TBC1D8: variants seen among roughly 807,000 people sequenced by gnomAD.
TBC1D8 encodes BUB2-like protein 1.
A neutral mutation model predicts 118.8 loss-of-function variants in TBC1D8; 65 were observed. The ratio of observed to expected loss-of-function variants is 0.55; its 90% CI spans 0.45 to 0.67. The LOEUF (loss-of-function observed/expected upper bound fraction) is 0.67. Among genes scored for constraint, TBC1D8 ranks in the 30% least tolerant of loss-of-function variants. The probability of loss-of-function intolerance (pLI) is 0.00; values close to 1 mark genes in which losing one functional copy is unlikely to be tolerated. For missense variants in TBC1D8, 1,376 were observed against 1,471.2 expected (o/e 0.94, Z 1.06); for synonymous variants, 566 against 595.8 (o/e 0.95, Z 0.73).
At position 101,022,312 on chromosome 2, in the gene TBC1D8, G is replaced by A; in HGVS notation, c.2730C>T (p.Leu910=). Reference sequence around the variant, plus strand: ...AGCTCACAAACGCTTTGAACTCGATGAGCTGGTCCATGTTGTCATCCAAGA... The same window carrying A: ...AGCTCACAAACGCTTTGAACTCGATAAGCTGGTCCATGTTGTCATCCAAGA... The part of the protein sequence containing the change: ...FRLLDDNMDQ[L]IEFKAFVSCL... The change falls in exon 16 of 20, where the codon CTC becomes CTT. Residue 910 remains leucine, a synonymous_variant. Transcript: ENST00000409318. 6.2e-7 allele frequency: 1 copy of A among 1,613,004 alleles called. No homozygotes were observed. Among genetic ancestry groups the A allele is most frequent in the Non-Finnish European group, 8.5e-7 (1 of 1,179,628 alleles).
At chr2:101,071,304 C>A (rs1674411470) in intron 2 of TBC1D8, among the ~76,000 whole-genome samples, 1 of 152,088 alleles carries the variant, frequency 6.6e-6, no homozygotes, top group Admixed American at 6.6e-5. Context: ...GAGATCGCAC[C>A]ACTGCACTCC....
At chr2:101,074,815 T>C (rs1045856490) in intron 2 of TBC1D8, among the ~76,000 whole-genome samples, 2 of 152,188 alleles carry the variant, frequency 1.3e-5, no homozygotes, top group African/African-American at 4.8e-5. Context: ...TATGAACTCA[T>C]TATTTATTTT....
intron 15 of TBC1D8, among the ~76,000 whole-genome samples, chr2:101,024,399 G>A (rs978605379): frequency 8.3e-6 from 1 of 119,892 alleles, no homozygotes; most frequent in African/African-American, 3.2e-5. Context: ...CAGTGGGACT[G>A]TAATTTTTTT....
intron 5 of TBC1D8, among the ~76,000 whole-genome samples, chr2:101,044,441 A>G (rs1453987881): frequency 6.6e-6 from 1 of 152,212 alleles, no homozygotes. Context: ...GATGCTAAAT[A>G]TATCAACTCC....
rs749224881 is a variant in TBC1D8 at position 101,007,792 on chromosome 2, C to T, written c.*29G>A. ...CTGGTTCGTGCTTTGGTATGGTGGA[C>T]TCCAGTGTGCATAGCAGCTGCTGTC... is the stretch of plus-strand genomic sequence containing the variant. On this transcript the variant is annotated 3_prime_UTR_variant, in exon 20 of 20. Coordinates refer to ENST00000409318, the MANE Select transcript of TBC1D8 (RefSeq NM_001330348.2). The T allele has an allele frequency of 6.3e-7, 1 of 1,599,878 alleles. No homozygotes were observed. Among genetic ancestry groups the T allele is most frequent in the South Asian group, 1.1e-5 (1 of 89,334 alleles).
At position 101,074,108 on chromosome 2, in the gene TBC1D8, T is replaced by A. The variant is rs531955529; in HGVS notation, c.284-14569A>T. 1.6e-4 allele frequency among the ~76,000 whole-genome samples: 25 copies of A among 152,364 alleles called. No homozygotes were observed. The East Asian group carries it at 3.7e-3, about 22-fold the overall frequency. On this transcript the variant is annotated intron_variant, in intron 2 of 19. Coordinates refer to ENST00000409318, the MANE Select transcript of TBC1D8 (RefSeq NM_001330348.2). Reference sequence around the variant, plus strand: ...AAGCTTAATCATTTTTAGCTTTTGATATAAAGTGAAAGACATACGACATTT... The same window carrying A: ...AAGCTTAATCATTTTTAGCTTTTGAAATAAAGTGAAAGACATACGACATTT...
In TBC1D8 at chr2:101,114,294, T is replaced by C. The variant is rs74712286; in HGVS notation, c.128-23930A>G. 4.9e-3 allele frequency among the ~76,000 whole-genome samples: 740 copies of C among 152,306 alleles called. 11 individuals carry two copies. The East Asian group carries it at 0.054, about 11-fold the overall frequency. ...AACTAAATGTCAGATATTTACAAAC[T>C]ACAGAAGCTTTCTCAAGTGCACATA... is the stretch of plus-strand genomic sequence containing the variant. On this transcript the variant is annotated intron_variant, in intron 1 of 19. Coordinates refer to ENST00000409318, the MANE Select transcript of TBC1D8 (RefSeq NM_001330348.2).
rs753249162 is a variant in TBC1D8 at position 101,029,507 on chromosome 2, A to G, written c.2206T>C (p.Leu736=). The change falls in exon 12 of 20, where the codon TTG becomes CTG. Residue 736 remains leucine, a synonymous_variant. Coordinates refer to ENST00000409318, the MANE Select transcript of TBC1D8 (RefSeq NM_001330348.2). The part of the protein sequence containing the change: ...LCSSKDDGQA[L]MILSRFLDHI... ...GGGGCCCACCTGCTGAGGATCATCA[A>G]GGCCTGGCCATCATCCTTGCTGCTG... 12 of 1,612,992 alleles carry G rather than the reference A, an allele frequency of 7.4e-6. No individual in the cohort carries two copies. Among genetic ancestry groups the G allele is most frequent in the Non-Finnish European group, 1.0e-5 (12 of 1,179,292 alleles).
intron 4 of TBC1D8, 83 bp from the exon 5 acceptor site, chr2:101,050,724 C>G: frequency 1.9e-6 from 3 of 1,543,418 alleles, no homozygotes; most frequent in Non-Finnish European, 2.6e-6. Flanking sequence ...CTATCCAAAG[C>G]TCTCCTTAGG....
In TBC1D8 at chr2:101,037,577, G is replaced by A. The variant is rs780161764; in HGVS notation, c.1407C>T (p.Val469=). 1 of 1,613,254 alleles carries A rather than the reference G, an allele frequency of 6.2e-7. No homozygotes were observed. The highest frequency in any genetic ancestry group is 1.1e-5 in the South Asian group (1 of 91,040). The change falls in exon 8 of 20, where the codon GTC becomes GTT. Residue 469 remains valine, a synonymous_variant. Coordinates refer to ENST00000409318, the MANE Select transcript of TBC1D8 (RefSeq NM_001330348.2). ...KSPLMHPDAL[V]TAFQQSGSQS... is the part of the protein sequence containing the mutation. Reference sequence around the variant, plus strand: ...GGCTGCCTGACTGCTGGAAGGCGGTGACCAGGGCATCGGGGTGCATCAGCG... The same window carrying A: ...GGCTGCCTGACTGCTGGAAGGCGGTAACCAGGGCATCGGGGTGCATCAGCG...
intron 1 of TBC1D8, among the ~76,000 whole-genome samples, chr2:101,122,522 A>G (rs1678177540): frequency 6.6e-6 from 1 of 151,806 alleles, no homozygotes; most frequent in African/African-American, 2.4e-5. Flanking sequence ...TTATAAAATC[A>G]TGACAGAAAG....
chr2:101,041,873 A>C (rs1425783695), intron 5 of TBC1D8, among the ~76,000 whole-genome samples: 2 of 151,930 alleles, frequency 1.3e-5, no homozygotes, highest in Admixed American at 6.6e-5. Context: ...AAAAATACAA[A>C]CATCAGCTGG....
chr2:101,030,087 A>T (rs2105386772), intron 11 of TBC1D8: 1 of 206,934 alleles, frequency 4.8e-6, no homozygotes, highest in African/African-American at 2.3e-5. Flanking sequence ...CTACATATAA[A>T]AGTTAATACT....
chr2:101,018,665 G>A (rs1679831709), intron 17 of TBC1D8, among the ~76,000 whole-genome samples: 1 of 152,240 alleles, frequency 6.6e-6, no homozygotes, highest in South Asian at 2.1e-4. Flanking sequence ...GAATCTCAGA[G>A]TTCGCAGAAG....
At position 101,025,302 on chromosome 2, in the gene TBC1D8, T is replaced by C. The variant is rs183497820; in HGVS notation, c.2520+2081A>G. Among the ~76,000 whole-genome samples, 396 of 152,210 alleles carry C rather than the reference T, an allele frequency of 2.6e-3. 1 individual carries two copies. Among genetic ancestry groups the C allele is most frequent in the Non-Finnish European group, 4.5e-3 (308 of 68,016 alleles). ...GTGCAGTGGCTATGATCTTGGCTCA[T>C]TGCAACCTCCATCTCCCAAGTTCAA... On this transcript the variant is annotated intron_variant, in intron 15 of 19. Coordinates refer to ENST00000409318, the MANE Select transcript of TBC1D8 (RefSeq NM_001330348.2).
intron 1 of TBC1D8, among the ~76,000 whole-genome samples, chr2:101,117,453 C>A (rs958351789): frequency 6.6e-6 from 1 of 152,120 alleles, no homozygotes; most frequent in East Asian, 1.9e-4. Context: ...ATTAACGTTG[C>A]TATTTACTTT....
chr2:101,131,562 C>T (rs771883125), intron 1 of TBC1D8, among the ~76,000 whole-genome samples: 5 of 152,014 alleles, frequency 3.3e-5, no homozygotes, highest in Non-Finnish European at 5.9e-5. Context: ...CACCTATAAT[C>T]CCAGCACTTT....
At chr2:101,113,649 A>T (rs1053116800) in intron 1 of TBC1D8, among the ~76,000 whole-genome samples, 1 of 152,214 alleles carries the variant, frequency 6.6e-6, no homozygotes, top group African/African-American at 2.4e-5. Flanking sequence ...CCTGTACATA[A>T]TAAAAGGCAG....
rs965528967 is a variant in TBC1D8 at position 101,007,660 on chromosome 2, A to C, written c.*161T>G. On this transcript the variant is annotated 3_prime_UTR_variant, in exon 20 of 20. Transcript: ENST00000409318. ...AATTCTCAATACATAGAAATGCTTG[A>C]GGGTTGTGTCGGTTCCCCTGGCCAC... 1.4e-6 allele frequency: 1 copy of C among 694,094 alleles called. No individual in the cohort carries two copies. Among genetic ancestry groups the C allele is most frequent in the East Asian group, 2.5e-5 (1 of 39,298 alleles). 43.0% of individuals were successfully genotyped at this position (694,094 alleles called of 1,614,324 possible). A position where few individuals can be genotyped will look rare whatever the true frequency, so the allele number is the denominator to read the frequency against.
Sources: allele counts gnomAD v4.1 joint callset (sites outside exome capture counted in the v4.1 genomes callset), GRCh38; gene constraint gnomAD v4.1.1; transcripts MANE v1.5; gene names NCBI Gene and HGNC (gene_info 2026-07-23, HGNC 2026-07-21).